Variants in FHOD3 observed in about 807,000 individuals in gnomAD.
FHOD3 encodes formin homology 2 domain containing 3, also known as FH1/FH2 domain-containing protein 3.
Under a neutral mutation model 173.0 loss-of-function variants are expected in FHOD3, and 90 were observed. That is an observed-to-expected ratio of 0.52 (90% CI 0.44 to 0.62). The LOEUF (loss-of-function observed/expected upper bound fraction) is 0.62, where lower values mean the gene tolerates loss of function less well. Among genes scored for constraint, FHOD3 ranks in the 20% least tolerant of loss-of-function variants. The pLI is 0.00. For synonymous variants in FHOD3, 828 were observed against 823.0 expected (o/e 1.01, Z -0.10); for missense variants, 1,945 against 2,034.7 (o/e 0.96, Z 0.85).
At chr18:36,719,440 G>T (rs948666174) in intron 19 of FHOD3, among the ~76,000 whole-genome samples, 7 of 152,140 alleles carry the variant, frequency 4.6e-5, no homozygotes, top group Admixed American at 4.6e-4. Context: ...GCAAGATATG[G>T]GATCACAGAT....
intron 3 of FHOD3, among the ~76,000 whole-genome samples, chr18:36,432,104 G>A (rs916847680): frequency 6.6e-6 from 1 of 152,184 alleles, no homozygotes; most frequent in African/African-American, 2.4e-5. Flanking sequence ...GGAACGGAGA[G>A]CAGTTATTAC....
intron 1 of FHOD3, among the ~76,000 whole-genome samples, chr18:36,326,616 TAAAAAAA>T (rs575151274): frequency 1.1e-4 from 17 of 151,302 alleles, no homozygotes; most frequent in African/African-American, 4.1e-4. Context: ...AAAACATAAT[TAAAAAAA>T]AATTAGTAGT....
chr18:36,643,466 C>T (rs1313124031), intron 10 of FHOD3, among the ~76,000 whole-genome samples: 1 of 152,060 alleles, frequency 6.6e-6, no homozygotes, highest in Non-Finnish European at 1.5e-5. Flanking sequence ...GGTGCAGAAT[C>T]GCTGCCCTAG....
intron 3 of FHOD3, among the ~76,000 whole-genome samples, chr18:36,478,226 C>T (rs1009248715): frequency 1.3e-5 from 2 of 152,134 alleles, no homozygotes; most frequent in Admixed American, 1.3e-4. Context: ...GGCAAAATAC[C>T]TTAATCCAGG....
chr18:36,379,041 G>A (rs760395753), intron 3 of FHOD3, among the ~76,000 whole-genome samples: 5 of 152,114 alleles, frequency 3.3e-5, no homozygotes, highest in South Asian at 4.1e-4. Flanking sequence ...CTTTCCACAC[G>A]TTATATTCAT....
intron 2 of FHOD3, among the ~76,000 whole-genome samples, chr18:36,371,514 A>G (rs867938124): frequency 1.3e-5 from 2 of 152,216 alleles, no homozygotes; most frequent in African/African-American, 4.8e-5. Context: ...CCTGTGATTC[A>G]GTTACCTCCC....
At chr18:36,452,281 T>G (rs2051903732) in intron 3 of FHOD3, among the ~76,000 whole-genome samples, 1 of 152,188 alleles carries the variant, frequency 6.6e-6, no homozygotes, top group South Asian at 2.1e-4. Context: ...TCTTGGAGAA[T>G]TAATGATGAG....
chr18:36,486,147 A>T (rs920412585), intron 3 of FHOD3, among the ~76,000 whole-genome samples: 1 of 152,156 alleles, frequency 6.6e-6, no homozygotes, highest in Non-Finnish European at 1.5e-5. Context: ...CCCATTGGCC[A>T]CTAAATGGCT....
chr18:36,753,203 C>T (rs1378640381), intron 24 of FHOD3, among the ~76,000 whole-genome samples: 1 of 152,054 alleles, frequency 6.6e-6, no homozygotes, highest in East Asian at 1.9e-4. Context: ...GTGGAGTGGC[C>T]TCCTCACCCC....
intron 3 of FHOD3, among the ~76,000 whole-genome samples, chr18:36,402,406 A>G (rs1487131224): frequency 1.3e-5 from 2 of 152,144 alleles, no homozygotes; most frequent in African/African-American, 4.8e-5. Flanking sequence ...TTTCTCATAT[A>G]TATGTGTGAA....
At chr18:36,359,932 T>C (rs1256823762) in intron 2 of FHOD3, among the ~76,000 whole-genome samples, 1 of 152,268 alleles carries the variant, frequency 6.6e-6, no homozygotes, top group Non-Finnish European at 1.5e-5. Flanking sequence ...GGAAAGATGA[T>C]ACATTGAAAT....
chr18:36,684,771 TAGG>T (rs995872085), intron 15 of FHOD3, among the ~76,000 whole-genome samples: 7 of 152,162 alleles, frequency 4.6e-5, no homozygotes, highest in African/African-American at 1.7e-4. Flanking sequence ...CCCAGAAGTA[TAGG>T]AGAATAGGAC....
At chr18:36,342,538 G>T (rs561335392) in intron 1 of FHOD3, among the ~76,000 whole-genome samples, 130 of 152,310 alleles carry the variant, frequency 8.5e-4, no homozygotes, top group Non-Finnish European at 1.4e-3. Context: ...ATGTAAGCTA[G>T]AAAGCAATGG....
intron 5 of FHOD3, among the ~76,000 whole-genome samples, chr18:36,518,257 C>A (rs996614758): frequency 1.3e-5 from 2 of 152,212 alleles, no homozygotes; most frequent in Non-Finnish European, 2.9e-5. Context: ...ACGGAACAAC[C>A]TAGCCTGACT....
chr18:36,710,252 A>C (rs941541493), intron 18 of FHOD3: 2 of 152,178 alleles, frequency 1.3e-5, no homozygotes, highest in African/African-American at 2.4e-5. Flanking sequence ...GTGTGCTATC[A>C]AGGTGGTAGA....
At chr18:36,356,339 G>A (rs887269069) in intron 2 of FHOD3, among the ~76,000 whole-genome samples, 4 of 152,144 alleles carry the variant, frequency 2.6e-5, no homozygotes, top group Admixed American at 6.5e-5. Flanking sequence ...AAGAAATACT[G>A]TGAGTCTGAA....
intron 11 of FHOD3, 141 bp from the exon 12 acceptor site, chr18:36,652,429 T>C: frequency 2.7e-6 from 3 of 1,117,742 alleles, no homozygotes; most frequent in Non-Finnish European, 3.7e-6. Context: ...TATGCTTCAG[T>C]TCAAGAAACA....
chr18:36,579,287 A>G (rs1433208222), intron 6 of FHOD3, among the ~76,000 whole-genome samples: 1 of 152,210 alleles, frequency 6.6e-6, no homozygotes, highest in Non-Finnish European at 1.5e-5. Context: ...AGATATCTTT[A>G]TGGTTTTATG....
intron 7 of FHOD3, among the ~76,000 whole-genome samples, chr18:36,597,199 G>A (rs1267048022): frequency 4.6e-5 from 7 of 152,120 alleles, no homozygotes; most frequent in Non-Finnish European, 8.8e-5. Flanking sequence ...ATCCCATAAA[G>A]GGAATGTTGT....
Sources: gnomAD v4.1 joint callset for allele counts (sites outside exome capture counted in the v4.1 genomes callset) on GRCh38, gnomAD v4.1.1 for gene constraint, MANE v1.5 for transcripts, NCBI Gene and HGNC (gene_info 2026-07-23, HGNC 2026-07-21) for gene names.